BCKDHB: variants seen among roughly 807,000 people sequenced by gnomAD.
BCKDHB encodes the protein branched chain keto acid dehydrogenase E1 subunit beta.
BCKDHB carries 41 observed loss-of-function variants against 48.5 expected under a neutral mutation model. The ratio of observed to expected loss-of-function variants is 0.85; its 90% CI spans 0.66 to 1.10. The LOEUF is 1.10. Among genes scored for constraint, BCKDHB ranks in the 50% least tolerant of loss-of-function variants. BCKDHB has a pLI of 0.00. For synonymous variants in BCKDHB, 201 were observed against 174.8 expected (o/e 1.15, Z -1.18); for missense variants, 496 against 494.2 (o/e 1.00, Z -0.03).
At chr6:80,453,253 G>C in the BCKDHB span, 2 of 152,186 alleles carry the variant, frequency 1.3e-5, no homozygotes, top group East Asian at 3.8e-4. Context: ...AAGCAGCAAA[G>C]AGAAGATGGT....
the BCKDHB span, among the ~76,000 whole-genome samples, chr6:80,405,444 T>C: frequency 6.6e-6 from 1 of 152,148 alleles, no homozygotes; most frequent in Non-Finnish European, 1.5e-5. Flanking sequence ...AGTGAGTCTG[T>C]TATGGGTTAT....
At chr6:80,455,964 C>A in the BCKDHB span, among the ~76,000 whole-genome samples, 347 of 152,212 alleles carry the variant, frequency 2.3e-3, 1 homozygote, top group African/African-American at 7.9e-3. Context: ...GTGGCTCATG[C>A]CTGTAATCCC....
intron 6 of BCKDHB, among the ~76,000 whole-genome samples, chr6:80,192,947 T>C (rs375590062): frequency 8.8e-4 from 134 of 151,856 alleles, no homozygotes; most frequent in African/African-American, 3.1e-3. Context: ...GTCTCCCGAG[T>C]AGCTGGGATT....
chr6:80,299,908 A>G (rs929398462), intron 9 of BCKDHB, among the ~76,000 whole-genome samples: 2 of 152,232 alleles, frequency 1.3e-5, no homozygotes, highest in Non-Finnish European at 2.9e-5. Context: ...ACACAGTGGC[A>G]GGCTTGATAT....
chr6:80,211,821 C>T (rs531415595), intron 8 of BCKDHB, among the ~76,000 whole-genome samples: 1 of 152,280 alleles, frequency 6.6e-6, no homozygotes, highest in East Asian at 1.9e-4. Flanking sequence ...TACAGCTGGG[C>T]CACCGGGGGT....
intron 9 of BCKDHB, among the ~76,000 whole-genome samples, chr6:80,332,722 A>AAC (rs1769378076): frequency 6.7e-6 from 1 of 150,176 alleles, no homozygotes; most frequent in East Asian, 2.0e-4. Context: ...AAAAAAAAAA[A>AAC]CACCTTCAAA....
At chr6:80,293,840 C>T (rs1767072357) in intron 9 of BCKDHB, among the ~76,000 whole-genome samples, 1 of 152,272 alleles carries the variant, frequency 6.6e-6, no homozygotes, top group Non-Finnish European at 1.5e-5. Context: ...CAAAATTCCA[C>T]AAATCTCTAG....
chr6:80,298,616 T>C (rs1352387958), intron 9 of BCKDHB, among the ~76,000 whole-genome samples: 1 of 152,234 alleles, frequency 6.6e-6, no homozygotes, highest in Non-Finnish European at 1.5e-5. Flanking sequence ...ATTGTGATGA[T>C]GGAGACCAAA....
At chr6:80,337,403 G>GTTA (rs1260536790) in intron 9 of BCKDHB, among the ~76,000 whole-genome samples, 3 of 151,996 alleles carry the variant, frequency 2.0e-5, no homozygotes, top group Admixed American at 1.3e-4. Context: ...ACCTCTAGAA[G>GTTA]GTAATTGCAT....
intron 3 of BCKDHB, among the ~76,000 whole-genome samples, chr6:80,162,381 G>C (rs1239706288): frequency 1.3e-5 from 2 of 152,042 alleles, no homozygotes; most frequent in African/African-American, 4.8e-5. Context: ...AGAATGTAAG[G>C]GTTCCTATCA....
chr6:80,107,545 A>G (rs114466245), intron 1 of BCKDHB, among the ~76,000 whole-genome samples: 5,550 of 120,624 alleles, frequency 0.046, 303 homozygotes, highest in African/African-American at 0.16. Context: ...ATATATATGC[A>G]CACATATATA....
the BCKDHB span, among the ~76,000 whole-genome samples, chr6:80,461,853 C>T: frequency 0.033 from 5,060 of 152,206 alleles, 137 homozygotes; most frequent in Middle Eastern, 0.11. Flanking sequence ...AGAAAACCAA[C>T]AGATGACAGC....
chr6:80,224,872 A>C (rs1181822580), intron 8 of BCKDHB, among the ~76,000 whole-genome samples: 2 of 152,182 alleles, frequency 1.3e-5, no homozygotes. Flanking sequence ...CTCCCTGTGC[A>C]CTTCAAGGTG....
chr6:80,433,494 C>T, the BCKDHB span, among the ~76,000 whole-genome samples: 1 of 152,208 alleles, frequency 6.6e-6, no homozygotes, highest in Non-Finnish European at 1.5e-5. Flanking sequence ...TCATCAATGG[C>T]AGACACCCCT....
chr6:80,406,134 G>A, the BCKDHB span, among the ~76,000 whole-genome samples: 6 of 152,126 alleles, frequency 3.9e-5, no homozygotes, highest in African/African-American at 1.4e-4. Flanking sequence ...CTTCATCCAT[G>A]TCCCTGCAAA....
the BCKDHB span, among the ~76,000 whole-genome samples, chr6:80,385,153 C>T: frequency 1.4e-4 from 22 of 152,216 alleles, no homozygotes; most frequent in African/African-American, 3.4e-4. Flanking sequence ...GTTCAATGGA[C>T]GAAGTGATGA....
At chr6:80,245,108 A>G (rs1776555675) in intron 8 of BCKDHB, among the ~76,000 whole-genome samples, 2 of 151,884 alleles carry the variant, frequency 1.3e-5, no homozygotes. Context: ...GGATAAACAG[A>G]ATTTTAATGT....
chr6:80,228,510 C>T (rs966508410), intron 8 of BCKDHB, among the ~76,000 whole-genome samples: 7 of 152,160 alleles, frequency 4.6e-5, no homozygotes, highest in Non-Finnish European at 7.3e-5. Context: ...TCTAAATCAC[C>T]TTTATTTTCT....
chr6:80,460,549 C>T, the BCKDHB span, among the ~76,000 whole-genome samples: 1 of 152,112 alleles, frequency 6.6e-6, no homozygotes, highest in Non-Finnish European at 1.5e-5. Flanking sequence ...ACAAAAATAG[C>T]CCAAGCCCTT....
Sources: allele counts gnomAD v4.1 joint callset (sites outside exome capture counted in the v4.1 genomes callset), GRCh38; gene constraint gnomAD v4.1.1; transcripts MANE v1.5; gene names NCBI Gene and HGNC (gene_info 2026-07-23, HGNC 2026-07-21).